Variants in NPIPB11 observed in about 807,000 individuals in gnomAD.
NPIPB11 encodes nuclear pore complex interacting protein family member B11.
Under a neutral mutation model 32.8 loss-of-function variants are expected in NPIPB11, and 17 were observed. The observed-to-expected ratio is 0.52, with a 90% CI of 0.35 to 0.78. The LOEUF is 0.78. Among genes scored for constraint, NPIPB11 ranks in the 30% least tolerant of loss-of-function variants. The pLI, the probability that NPIPB11 is intolerant of heterozygous loss-of-function variation, is 0.01. For missense variants in NPIPB11, 537 were observed against 1,000.4 expected (o/e 0.54, Z 6.25); for synonymous variants, 209 against 398.4 (o/e 0.52, Z 5.66).
At position 29,394,350 on chromosome 16, in the gene NPIPB11, T is replaced by A. The variant is rs1963796865; in HGVS notation, c.121-274A>T. On this transcript the variant is annotated intron_variant, in intron 2 of 7. Coordinates refer to ENST00000524087, the Ensembl canonical transcript of NPIPB11. ...CAATCTTTTGACTTCCCTGCCTATA[T>A]TAAAAGAAGCAAAGTTGTCTTGAGC... is the stretch of plus-strand genomic sequence containing the variant. Among the ~76,000 whole-genome samples the A allele has an allele frequency of 1.3e-5, 2 of 151,576 alleles. 1 individual carries two copies. Among genetic ancestry groups the A allele is most frequent in the South Asian group, 4.2e-4 (2 of 4,812 alleles).
At chr16:29,397,673 T>A in intron 2 of NPIPB11, 1 of 1,105,116 alleles carries the variant, frequency 9.0e-7, no homozygotes, top group Non-Finnish European at 1.3e-6. Context: ...CCCTGAGGCG[T>A]CCAGGACAGA....
At chr16:29,397,370 C>A (rs1963882938) in intron 2 of NPIPB11, among the ~76,000 whole-genome samples, 4 of 151,372 alleles carry the variant, frequency 2.6e-5, no homozygotes, top group South Asian at 4.2e-4. Flanking sequence ...CCAGGCCCGA[C>A]TAATCTTTTT....
intron 2 of NPIPB11, among the ~76,000 whole-genome samples, chr16:29,401,059 A>G (rs972006600): frequency 5.9e-5 from 9 of 152,096 alleles, no homozygotes; most frequent in African/African-American, 2.2e-4. Flanking sequence ...CATTGGAACA[A>G]AGAGGAAGAA....
intron 2 of NPIPB11, among the ~76,000 whole-genome samples, chr16:29,402,102 C>A (rs1300936590): frequency 6.7e-6 from 1 of 150,312 alleles, no homozygotes; most frequent in Non-Finnish European, 1.5e-5. Context: ...AGTCTCTGGG[C>A]CTCAGTTTCA....
chr16:29,389,535 G>A lies in NPIPB11; in HGVS notation c.545+406C>T, dbSNP rs867834343. Among the ~76,000 whole-genome samples the A allele has an allele frequency of 2.5e-3, 374 of 150,370 alleles. 4 individuals carry two copies. The highest frequency in any genetic ancestry group is 4.2e-3 in the Non-Finnish European group (285 of 67,636). On this transcript the variant is annotated intron_variant, in intron 5 of 7. Transcript: ENST00000524087. ...GTAAAAATACAAAAATTAGCTGGGCGTGATGGTGGGCACCTGTAATCCCAG... is the reference window on the plus strand; with the variant it reads ...GTAAAAATACAAAAATTAGCTGGGCATGATGGTGGGCACCTGTAATCCCAG...
Position 29,402,698 on chromosome 16 carries a change from GTCTCTCTC to G in NPIPB11, c.120+977_120+984del, listed in dbSNP as rs762980727. On this transcript the variant is annotated intron_variant, in intron 2 of 7. Coordinates refer to ENST00000524087, the Ensembl canonical transcript of NPIPB11. ...AGCCTGGGCGACAGAGTGAAACTCT[GTCTCTCTC>G]TCTCTCTCTCTCTCTCTCTGTGTGT... is the stretch of plus-strand genomic sequence containing the variant. Among the ~76,000 whole-genome samples the G allele has an allele frequency of 1.3e-4, 15 of 118,920 alleles. No homozygotes were observed. In the East Asian group the frequency reaches 2.0e-3, roughly 16 times the overall value. The allele number at this position is 118,920 out of a possible 152,430, so 78.0% of individuals were successfully genotyped here.
chr16:29,392,717 GAAAAGAAAAAAAA>G (rs929720508), intron 3 of NPIPB11, among the ~76,000 whole-genome samples: 2 of 133,366 alleles, frequency 1.5e-5, no homozygotes, highest in East Asian at 4.3e-4. Flanking sequence ...TTCGGGGTGA[GAAAAGAAAAAAAA>G]AAAAGAAAAA....
At chr16:29,391,984 G>C (rs987217064) in intron 3 of NPIPB11, among the ~76,000 whole-genome samples, 3 of 151,980 alleles carry the variant, frequency 2.0e-5, no homozygotes, top group Non-Finnish European at 2.9e-5. Context: ...GCCTCCCAAA[G>C]TGCTGGGATT....
At chr16:29,384,005 G>A (rs1963565884) in exon 8 of NPIPB11, 1 of 1,277,926 alleles carries the variant, frequency 7.8e-7, no homozygotes, top group South Asian at 1.2e-5. Flanking sequence ...GAAGGGGAGT[G>A]AGCAGACACT....
In NPIPB11 at chr16:29,383,794, GCCCCC is replaced by G. The variant is rs1220503437; in HGVS notation, c.1133_1137del (p.Arg378ProfsTer8). On this transcript the variant is annotated frameshift_variant, in exon 8 of 8. Transcript: ENST00000524087. LOFTEE classifies it low-confidence loss of function (END_TRUNC). ...TTATCATCCGCTGAGGGTGGAAGCG[GCCCCC>G]GCAGACGCTCGGCAGTTGTCTTGAT... 1.9e-5 allele frequency: 22 copies of G among 1,152,478 alleles called. 1 individual carries two copies. Among genetic ancestry groups the G allele is most frequent in the African/African-American group, 4.3e-5 (1 of 23,124 alleles). The allele number at this position is 1,152,478 out of a possible 1,614,324, so 71.4% of individuals were successfully genotyped here.
At chr16:29,392,606 A>T (rs1963749704) in intron 3 of NPIPB11, among the ~76,000 whole-genome samples, 1 of 151,358 alleles carries the variant, frequency 6.6e-6, no homozygotes, top group South Asian at 2.1e-4. Context: ...GCTACTTGAG[A>T]GGCTGAGGCA....
At chr16:29,405,790 G>T (rs1238897807), upstream of NPIPB11, among the ~76,000 whole-genome samples, 1 of 152,090 alleles carries the variant, frequency 6.6e-6, no homozygotes, top group Non-Finnish European at 1.5e-5. Context: ...TGGCTTTCTG[G>T]TGAGTAAAGA....
exon 8 of NPIPB11, chr16:29,382,303 G>T (rs74781084): frequency 5.7e-6 from 9 of 1,592,598 alleles, no homozygotes. Context: ...ACGCTCGGCA[G>T]GTGTCTTGAT....
chr16:29,389,668 G>GAAAGAAAAAAAAA (rs1262451402), intron 5 of NPIPB11, among the ~76,000 whole-genome samples: 2 of 17,286 alleles, frequency 1.2e-4, no homozygotes, highest in Admixed American at 7.6e-4. Context: ...TCCATCTCAG[G>GAAAGAAAAAAAAA]AAAAAAAAAA....
chr16:29,397,066 G>C (rs1472878969), intron 2 of NPIPB11, among the ~76,000 whole-genome samples: 2 of 150,916 alleles, frequency 1.3e-5, no homozygotes, highest in Admixed American at 1.3e-4. Flanking sequence ...AGCTACTCAG[G>C]AGGCTGAGGC....
At chr16:29,406,283 C>T (rs933496903), upstream of NPIPB11, among the ~76,000 whole-genome samples, 1 of 152,246 alleles carries the variant, frequency 6.6e-6, no homozygotes, top group African/African-American at 2.4e-5. Context: ...AGTGAGGTGA[C>T]ATTAGATCTC....
At chr16:29,403,866 G>A in intron 1 of NPIPB11, 26 bp from the exon 2 acceptor site, 1 of 1,537,058 alleles carries the variant, frequency 6.5e-7, no homozygotes. Context: ...AAAAAAAAGT[G>A]TTGAATGAGT....
chr16:29,383,128 G>A (rs1305050133), exon 8 of NPIPB11: 2 of 1,596,228 alleles, frequency 1.3e-6, no homozygotes, highest in Non-Finnish European at 8.5e-7. Flanking sequence ...ACGCTCGGAA[G>A]GTCTCTTGAG....
intron 3 of NPIPB11, 94 bp from the exon 4 acceptor site, chr16:29,390,442 G>A (rs1963689642): frequency 6.3e-7 from 1 of 1,583,722 alleles, no homozygotes; most frequent in Non-Finnish European, 8.6e-7. Flanking sequence ...GGATCACGGG[G>A]TCAGGAGCAA....
Sources: allele counts gnomAD v4.1 joint callset (sites outside exome capture counted in the v4.1 genomes callset), GRCh38; gene constraint gnomAD v4.1.1; transcripts MANE v1.5; gene names NCBI Gene and HGNC (gene_info 2026-07-23, HGNC 2026-07-21).